Variants in ZNF469 observed in about 807,000 individuals in gnomAD.
ZNF469 encodes the protein zinc finger protein 469.
Under a neutral mutation model 1.0 loss-of-function variants are expected in ZNF469, and 1 was observed. That is an observed-to-expected ratio of 1.00 (90% confidence interval 0.35 to 4.73). The LOEUF (loss-of-function observed/expected upper bound fraction) is 4.73. Ranked by LOEUF, ZNF469 falls within the 30% of genes most tolerant of loss-of-function variation. ZNF469 has a pLI of 0.16. For synonymous variants in ZNF469, 2,703 were observed against 2,363.4 expected, an observed-to-expected ratio of 1.14 and a Z score of -4.17; for missense variants, 6,100 against 5,356.3, an observed-to-expected ratio of 1.14 and a Z score of -4.33.
At position 88,438,551 on chromosome 16, in the gene ZNF469, A is replaced by G. The variant is rs552320342; in HGVS notation, c.11081A>G (p.Lys3694Arg). The change falls in exon 3 of 3, where the codon AAG becomes AGG. Residue 3694 changes from lysine (K) to arginine (R), a missense_variant. By Grantham distance (26) the Lys-to-Arg change is conservative. Coordinates refer to ENST00000565624, the MANE Select transcript of ZNF469 (RefSeq NM_001367624.2). ...SAASTPSKALKFPVHPRKAVG... is the reference protein window; with the variant it reads ...SAASTPSKALRFPVHPRKAVG... The stretch of plus-strand genomic sequence containing the variant: ...GCATCCACCCCCAGCAAAGCACTCA[A>G]GTTCCCAGTGCACCCAAGGAAGGCG... The G allele has an allele frequency of 6.5e-7, 1 of 1,550,148 alleles. No individual in the cohort carries two copies. The highest frequency in any genetic ancestry group is 2.4e-5 in the East Asian group (1 of 40,912).
chr16:88,371,754 C>T, the ZNF469 span, among the ~76,000 whole-genome samples: 1 of 152,200 alleles, frequency 6.6e-6, no homozygotes, highest in Non-Finnish European at 1.5e-5. Flanking sequence ...GACATCAACA[C>T]ATTTGCTATG....
the ZNF469 span, among the ~76,000 whole-genome samples, chr16:88,108,874 G>A: frequency 5.3e-5 from 8 of 152,228 alleles, no homozygotes; most frequent in Non-Finnish European, 7.4e-5. Flanking sequence ...CTGAGGCCTC[G>A]GGCCACCAGC....
the ZNF469 span, among the ~76,000 whole-genome samples, chr16:88,102,636 G>T: frequency 1.3e-4 from 20 of 152,242 alleles, no homozygotes; most frequent in African/African-American, 4.3e-4. Context: ...CCTCACAGCG[G>T]TCCAGGGGCT....
the ZNF469 span, among the ~76,000 whole-genome samples, chr16:88,270,393 A>G: frequency 6.6e-6 from 1 of 152,204 alleles, no homozygotes; most frequent in African/African-American, 2.4e-5. Context: ...GTGGCCGGCC[A>G]GCTCACCAGG....
intron 1 of ZNF469, among the ~76,000 whole-genome samples, chr16:88,399,268 CAT>C: frequency 6.6e-6 from 1 of 152,368 alleles, no homozygotes. Flanking sequence ...TCTCCAGACT[CAT>C]ATGACATCTG....
the ZNF469 span, among the ~76,000 whole-genome samples, chr16:88,266,910 T>C: frequency 6.6e-6 from 1 of 152,242 alleles, no homozygotes; most frequent in Non-Finnish European, 1.5e-5. Flanking sequence ...ACACTTTGTA[T>C]GATCAGTGTT....
At chr16:88,143,131 T>TG in the ZNF469 span, among the ~76,000 whole-genome samples, 94 of 151,770 alleles carry the variant, frequency 6.2e-4, no homozygotes, top group East Asian at 3.9e-4. Context: ...GGAGAAGCCC[T>TG]GGGGGGGTGG....
upstream of ZNF469, among the ~76,000 whole-genome samples, chr16:88,379,692 G>T (rs1388904841): frequency 2.0e-5 from 3 of 152,186 alleles, no homozygotes; most frequent in African/African-American, 7.2e-5. Context: ...GCTCCCAGTT[G>T]TAACAGTCCA....
the ZNF469 span, among the ~76,000 whole-genome samples, chr16:88,367,534 A>C: frequency 2.0e-5 from 3 of 152,100 alleles, no homozygotes; most frequent in Non-Finnish European, 4.4e-5. Flanking sequence ...GACAGCTTTG[A>C]GGGCTTTGGA....
chr16:88,195,561 C>A, the ZNF469 span, among the ~76,000 whole-genome samples: 1 of 152,152 alleles, frequency 6.6e-6, no homozygotes, highest in East Asian at 1.9e-4. Context: ...AGAGTTGATT[C>A]TGAAAGTTGG....
chr16:88,176,540 C>T, the ZNF469 span, among the ~76,000 whole-genome samples: 7 of 152,198 alleles, frequency 4.6e-5, no homozygotes, highest in African/African-American at 9.7e-5. Flanking sequence ...ATAGCAGAGA[C>T]GCAATGGCGG....
At chr16:88,146,816 A>G in the ZNF469 span, among the ~76,000 whole-genome samples, 2 of 151,986 alleles carry the variant, frequency 1.3e-5, no homozygotes, top group Non-Finnish European at 2.9e-5. Context: ...GGCTTCCAGG[A>G]TGGAAGGGAC....
At chr16:88,283,814 G>A in the ZNF469 span, among the ~76,000 whole-genome samples, 4 of 150,998 alleles carry the variant, frequency 2.6e-5, no homozygotes, top group South Asian at 8.5e-4. Context: ...CCCGAGGTCT[G>A]TGAAGGCTGG....
At chr16:88,200,879 C>A in the ZNF469 span, among the ~76,000 whole-genome samples, 1 of 152,260 alleles carries the variant, frequency 6.6e-6, no homozygotes, top group Non-Finnish European at 1.5e-5. Context: ...TCGCGTTCCT[C>A]CGGCCGCCCC....
the ZNF469 span, among the ~76,000 whole-genome samples, chr16:88,140,335 G>A: frequency 6.6e-6 from 1 of 151,628 alleles, no homozygotes; most frequent in Non-Finnish European, 1.5e-5. Context: ...TCGGAGGGTA[G>A]CACGGAGGAA....
chr16:88,366,670 G>A, the ZNF469 span, among the ~76,000 whole-genome samples: 2,434 of 128,598 alleles, frequency 0.019, 65 homozygotes, highest in African/African-American at 0.066. Context: ...CATCATTATC[G>A]TCACTATCAC....
chr16:88,387,338 G>A (rs11646214), intron 1 of ZNF469, among the ~76,000 whole-genome samples: 4,190 of 152,290 alleles, frequency 0.028, 88 homozygotes, highest in Middle Eastern at 0.082. Context: ...CCCTTGGTCT[G>A]GGTTCACCAG....
the ZNF469 span, among the ~76,000 whole-genome samples, chr16:88,116,277 C>T: frequency 6.6e-6 from 1 of 152,162 alleles, no homozygotes; most frequent in Non-Finnish European, 1.5e-5. Flanking sequence ...CAGGGATTGC[C>T]ACACCCCCAT....
chr16:88,125,392 C>T, the ZNF469 span, among the ~76,000 whole-genome samples: 14 of 152,290 alleles, frequency 9.2e-5, no homozygotes, highest in South Asian at 6.2e-4. Flanking sequence ...TTCCAAAAGA[C>T]GGAGAAAGAG....
Sources: allele counts gnomAD v4.1 joint callset (sites outside exome capture counted in the v4.1 genomes callset), GRCh38; gene constraint gnomAD v4.1.1; transcripts MANE v1.5; gene names NCBI Gene and HGNC (gene_info 2026-07-23, HGNC 2026-07-21).